Variants in RSRC1 observed in about 807,000 individuals in gnomAD.
RSRC1 encodes serine/Arginine-related protein 53.
A neutral mutation model predicts 49.1 loss-of-function variants in RSRC1; 39 were observed. The ratio of observed to expected loss-of-function variants is 0.79; its 90% CI spans 0.61 to 1.04. The LOEUF (loss-of-function observed/expected upper bound fraction) is 1.04, where lower values mean the gene tolerates loss of function less well. RSRC1 is among the 50% of genes least tolerant of loss of function. The probability of loss-of-function intolerance (pLI) is 0.00; values close to 1 mark genes in which losing one functional copy is unlikely to be tolerated. For missense variants in RSRC1, 388 were observed against 402.4 expected, an observed-to-expected ratio of 0.96 and a Z score of 0.31; for synonymous variants, 143 against 130.8, an observed-to-expected ratio of 1.09 and a Z score of -0.63.
intron 3 of RSRC1, among the ~76,000 whole-genome samples, chr3:158,176,743 C>T (rs1251699237): frequency 6.6e-6 from 1 of 152,152 alleles, no homozygotes; most frequent in Non-Finnish European, 1.5e-5. Flanking sequence ...TGGGCAAAGA[C>T]TTCATGACTA....
At chr3:158,132,384 G>A (rs1314105329) in intron 3 of RSRC1, 1 of 154,746 alleles carries the variant, frequency 6.5e-6, no homozygotes, top group Non-Finnish European at 1.4e-5. Context: ...TTTTAAAAAA[G>A]GCTTAATTAT....
At chr3:158,189,340 TTC>T (rs1397731701) in intron 3 of RSRC1, among the ~76,000 whole-genome samples, 1 of 151,982 alleles carries the variant, frequency 6.6e-6, no homozygotes, top group Admixed American at 6.6e-5. Flanking sequence ...TGTTCAAATC[TTC>T]TGTGTCTTTA....
intron 4 of RSRC1, among the ~76,000 whole-genome samples, chr3:158,227,425 C>A (rs1399678861): frequency 6.6e-6 from 1 of 151,882 alleles, no homozygotes; most frequent in Admixed American, 6.6e-5. Context: ...TTTCTCTTCC[C>A]TCCCTTCATC....
chr3:158,511,151 A>G (rs1740148813), intron 7 of RSRC1, among the ~76,000 whole-genome samples: 1 of 151,966 alleles, frequency 6.6e-6, no homozygotes, highest in Non-Finnish European at 1.5e-5. Context: ...ACATGTGCAC[A>G]ATGTGCAGGT....
At chr3:158,509,387 A>T (rs1296386388) in intron 7 of RSRC1, among the ~76,000 whole-genome samples, 1 of 152,024 alleles carries the variant, frequency 6.6e-6, no homozygotes, top group African/African-American at 2.4e-5. Context: ...AAAAATGAAA[A>T]CTCTTCTGCT....
chr3:158,214,737 A>G (rs961347001), intron 4 of RSRC1, among the ~76,000 whole-genome samples: 4 of 151,720 alleles, frequency 2.6e-5, no homozygotes, highest in African/African-American at 7.3e-5. Flanking sequence ...AGATTTCCCT[A>G]TATCTTTCTT....
At chr3:158,507,386 C>A (rs1386974683) in intron 7 of RSRC1, among the ~76,000 whole-genome samples, 1 of 151,986 alleles carries the variant, frequency 6.6e-6, no homozygotes, top group East Asian at 1.9e-4. Context: ...GAGAAGAATT[C>A]TAATGTTCCC....
chr3:158,401,227 A>C (rs1733881160), intron 6 of RSRC1, among the ~76,000 whole-genome samples: 1 of 152,000 alleles, frequency 6.6e-6, no homozygotes, highest in Non-Finnish European at 1.5e-5. Context: ...TAAGAGACAC[A>C]TGACTGTAAC....
intron 2 of RSRC1, 60 bp downstream of exon 2, chr3:158,122,358 T>A: frequency 8.3e-7 from 1 of 1,211,326 alleles, no homozygotes; most frequent in Non-Finnish European, 1.1e-6. Context: ...AAATTCATGT[T>A]TTTGTATTTT....
intron 6 of RSRC1, among the ~76,000 whole-genome samples, chr3:158,395,549 A>G (rs1445953505): frequency 2.0e-5 from 3 of 152,110 alleles, no homozygotes; most frequent in Admixed American, 1.3e-4. Flanking sequence ...AAGAAGACAT[A>G]CATGCACCCA....
intron 3 of RSRC1, among the ~76,000 whole-genome samples, chr3:158,180,933 T>C (rs1461198110): frequency 6.6e-6 from 1 of 150,628 alleles, no homozygotes; most frequent in African/African-American, 2.4e-5. Flanking sequence ...GTCTCCCGAG[T>C]AGCTGGGATT....
intron 4 of RSRC1, among the ~76,000 whole-genome samples, chr3:158,260,158 A>G (rs777069457): frequency 4.0e-5 from 6 of 151,684 alleles, no homozygotes; most frequent in African/African-American, 1.2e-4. Flanking sequence ...GTCTCTTCCA[A>G]TAGCCACCAC....
chr3:158,425,404 T>C (rs1377715352), intron 6 of RSRC1, among the ~76,000 whole-genome samples: 1 of 152,150 alleles, frequency 6.6e-6, no homozygotes, highest in African/African-American at 2.4e-5. Flanking sequence ...GTGAGTTTCG[T>C]AATCCTGAGT....
chr3:158,518,118 G>GCATATATATA (rs1341871336), intron 7 of RSRC1, among the ~76,000 whole-genome samples: 7 of 75,806 alleles, frequency 9.2e-5, no homozygotes, highest in African/African-American at 4.0e-4. Context: ...GTGTGTGTGT[G>GCATATATATA]TGTGTGTGTA....
At chr3:158,461,339 A>G (rs1737600827) in intron 7 of RSRC1, among the ~76,000 whole-genome samples, 1 of 151,946 alleles carries the variant, frequency 6.6e-6, no homozygotes, top group African/African-American at 2.4e-5. Context: ...AGATTTTGAA[A>G]TATTTCAGTA....
chr3:158,288,867 G>C (rs932455582), intron 4 of RSRC1, among the ~76,000 whole-genome samples: 1 of 117,514 alleles, frequency 8.5e-6, no homozygotes, highest in African/African-American at 3.5e-5. Context: ...TTTGATCTGT[G>C]GTTGGTTGAC....
At chr3:158,308,261 C>T (rs1727946771) in intron 5 of RSRC1, among the ~76,000 whole-genome samples, 2 of 151,896 alleles carry the variant, frequency 1.3e-5, no homozygotes, top group South Asian at 2.1e-4. Context: ...GTGGTTTGTA[C>T]GCAATTTCAG....
At chr3:158,487,968 A>AAAAAAAAAAAAAAAAAC in intron 7 of RSRC1, among the ~76,000 whole-genome samples, 1 of 148,580 alleles carries the variant, frequency 6.7e-6, no homozygotes, top group African/African-American at 2.5e-5. Flanking sequence ...AAAAAAAAAA[A>AAAAAAAAAAAAAAAAAC]AAAAAACTGG....
At chr3:158,509,138 A>T (rs1740022290) in intron 7 of RSRC1, among the ~76,000 whole-genome samples, 1 of 152,164 alleles carries the variant, frequency 6.6e-6, no homozygotes, top group Non-Finnish European at 1.5e-5. Flanking sequence ...TAGGTTTTAT[A>T]TTTAGATCCG....
Sources: allele counts gnomAD v4.1 joint callset (sites outside exome capture counted in the v4.1 genomes callset), GRCh38; gene constraint gnomAD v4.1.1; transcripts MANE v1.5; gene names NCBI Gene and HGNC (gene_info 2026-07-23, HGNC 2026-07-21).